Variants in RERE observed in about 807,000 individuals in gnomAD.
RERE encodes the protein arginine-glutamic acid dipeptide repeats protein.
RERE carries 40 observed loss-of-function variants against 146.1 expected under a neutral mutation model. The ratio of observed to expected loss-of-function variants is 0.27; its 90% CI spans 0.21 to 0.36. RERE has a LOEUF of 0.36. Among genes scored for constraint, RERE ranks in the 10% least tolerant of loss-of-function variants. The pLI, the probability that RERE is intolerant of heterozygous loss-of-function variation, is 1.00. For synonymous variants in RERE, 1,003 were observed against 866.0 expected (o/e 1.16, Z -2.78); for missense variants, 1,933 against 2,138.7 (o/e 0.90, Z 1.90).
intron 4 of RERE, among the ~76,000 whole-genome samples, chr1:8,604,003 A>G (rs1232958112): frequency 6.6e-6 from 1 of 151,942 alleles, no homozygotes; most frequent in Non-Finnish European, 1.5e-5. Flanking sequence ...GATCAGATCT[A>G]CTTTTACACT....
At chr1:8,404,449 T>C (rs2708632) in intron 12 of RERE, among the ~76,000 whole-genome samples, 111,446 of 151,564 alleles carry the variant, frequency 0.74, 41,457 homozygotes, top group East Asian at 0.91. Flanking sequence ...AAAAAAGAGA[T>C]GGAGTCTCAC....
At chr1:8,498,732 T>TAAACACACAC (rs150497092) in intron 8 of RERE, among the ~76,000 whole-genome samples, 1 of 107,836 alleles carries the variant, frequency 9.3e-6, no homozygotes, top group African/African-American at 3.8e-5. Flanking sequence ...AATAAATATA[T>TAAACACACAC]ACACACACAC....
intron 4 of RERE, among the ~76,000 whole-genome samples, chr1:8,605,745 C>CA (rs564574812): frequency 0.15 from 9,783 of 64,376 alleles, 1,675 homozygotes; most frequent in South Asian, 0.17. Context: ...ACCCCATCTC[C>CA]AAAAAAAAAA....
chr1:8,685,377 A>C (rs1479314878), intron 1 of RERE, among the ~76,000 whole-genome samples: 2 of 143,150 alleles, frequency 1.4e-5, no homozygotes, highest in Admixed American at 7.3e-5. Flanking sequence ...CCATATTTCC[A>C]AGTATTAAAA....
chr1:8,375,263 T>C (rs776154986), intron 12 of RERE, among the ~76,000 whole-genome samples: 5 of 152,274 alleles, frequency 3.3e-5, no homozygotes, highest in African/African-American at 1.2e-4. Flanking sequence ...ATTGCCACTT[T>C]CTTATTTTGC....
chr1:8,608,041 TG>T (rs1439057293), intron 4 of RERE, among the ~76,000 whole-genome samples: 1 of 151,780 alleles, frequency 6.6e-6, no homozygotes, highest in Non-Finnish European at 1.5e-5. Flanking sequence ...TTTTTGTTTT[TG>T]TTTTTTTTAC....
intron 12 of RERE, among the ~76,000 whole-genome samples, chr1:8,376,143 G>A (rs1002950159): frequency 2.0e-5 from 3 of 152,190 alleles, no homozygotes; most frequent in African/African-American, 7.2e-5. Context: ...ATGGTTTAAA[G>A]CACTAAGAGG....
intron 1 of RERE, among the ~76,000 whole-genome samples, chr1:8,657,326 GAA>G (rs1638345919): frequency 1.5e-5 from 2 of 137,370 alleles, no homozygotes; most frequent in African/African-American, 5.4e-5. Context: ...AAAAAAAGAA[GAA>G]GAAAAGAAAA....
At chr1:8,372,991 T>A (rs1368680969) in intron 12 of RERE, among the ~76,000 whole-genome samples, 1 of 152,212 alleles carries the variant, frequency 6.6e-6, no homozygotes, top group Non-Finnish European at 1.5e-5. Flanking sequence ...AACAGGATTA[T>A]AAACACAATT....
At chr1:8,358,949 C>T (rs763746190) in intron 19 of RERE, 33 bp from the exon 20 acceptor site, 7 of 1,502,492 alleles carry the variant, frequency 4.7e-6, no homozygotes, top group Non-Finnish European at 6.2e-6. Context: ...GAGGGGTCCC[C>T]CGAGCGCCTG....
intron 7 of RERE, among the ~76,000 whole-genome samples, chr1:8,532,370 T>A (rs1368926930): frequency 1.4e-5 from 2 of 147,334 alleles, no homozygotes; most frequent in Non-Finnish European, 3.0e-5. Context: ...CTGGTAGAAT[T>A]CACCTGTAAA....
chr1:8,362,240 G>C (rs1641607746), intron 16 of RERE, among the ~76,000 whole-genome samples: 1 of 152,224 alleles, frequency 6.6e-6, no homozygotes, highest in Non-Finnish European at 1.5e-5. Flanking sequence ...GCACTGGGCA[G>C]TAGAAGTAAC....
rs527577864 is a variant in RERE, at chr1:8,573,492, G to A, written c.523-15969C>T. 1.2e-4 allele frequency among the ~76,000 whole-genome samples: 19 copies of A among 152,230 alleles called. No homozygotes were observed. The South Asian group carries it at 3.9e-3, about 32-fold the overall frequency. ...ACGCCCTAGTTCACTTATTTTAAGTGACATGTATTACCTTCATATACAGCA... is the reference window on the plus strand; with the variant it reads ...ACGCCCTAGTTCACTTATTTTAAGTAACATGTATTACCTTCATATACAGCA... On this transcript the variant is annotated intron_variant, in intron 4 of 22. Coordinates refer to ENST00000400908, the MANE Select transcript of RERE (RefSeq NM_001042681.2).
At chr1:8,743,177 C>A (rs1448736891) in intron 1 of RERE, among the ~76,000 whole-genome samples, 1 of 152,078 alleles carries the variant, frequency 6.6e-6, no homozygotes, top group East Asian at 1.9e-4. Flanking sequence ...GGGAAGACTG[C>A]TTGAGGCCAG....
chr1:8,662,962 A>G (rs1361415393), intron 1 of RERE, among the ~76,000 whole-genome samples: 2 of 152,200 alleles, frequency 1.3e-5, no homozygotes, highest in Non-Finnish European at 2.9e-5. Flanking sequence ...TAGATTGCAA[A>G]GTGCTTTACA....
At chr1:8,734,814 C>CT (rs1232445744) in intron 1 of RERE, among the ~76,000 whole-genome samples, 1 of 152,146 alleles carries the variant, frequency 6.6e-6, no homozygotes. Flanking sequence ...CTGTTTTATG[C>CT]TTTTGCACCT....
At chr1:8,446,869 C>A (rs1181479654) in intron 11 of RERE, among the ~76,000 whole-genome samples, 1 of 151,408 alleles carries the variant, frequency 6.6e-6, no homozygotes. Context: ...TTAGTAGAGA[C>A]GGGGTTTCAC....
intron 10 of RERE, 146 bp from the exon 11 acceptor site, chr1:8,466,169 A>G (rs1644594120): frequency 1.5e-6 from 1 of 669,430 alleles, no homozygotes; most frequent in Non-Finnish European, 2.5e-6. Context: ...AGGCGCAGGA[A>G]TTTGTTCTCA....
chr1:8,751,812 A>G (rs1439471884), intron 1 of RERE, among the ~76,000 whole-genome samples: 1 of 151,844 alleles, frequency 6.6e-6, no homozygotes, highest in Non-Finnish European at 1.5e-5. Context: ...ATTATCATCT[A>G]GTTATATATG....
Sources: gnomAD v4.1 joint callset for allele counts (sites outside exome capture counted in the v4.1 genomes callset) on GRCh38, gnomAD v4.1.1 for gene constraint, MANE v1.5 for transcripts, NCBI Gene and HGNC (gene_info 2026-07-23, HGNC 2026-07-21) for gene names.